CHRM2: variants seen among roughly 807,000 people sequenced by gnomAD.
CHRM2 encodes the protein muscarinic acetylcholine receptor M2.
Under a neutral mutation model 25.0 loss-of-function variants are expected in CHRM2, and 8 were observed. The observed-to-expected ratio is 0.32, with a 90% CI of 0.19 to 0.58. The LOEUF (loss-of-function observed/expected upper bound fraction) is 0.58. CHRM2 is among the 20% of genes least tolerant of loss of function. CHRM2 has a pLI of 0.88. For missense variants in CHRM2, 440 were observed against 567.1 expected, an observed-to-expected ratio of 0.78 and a Z score of 2.28; for synonymous variants, 202 against 205.7, an observed-to-expected ratio of 0.98 and a Z score of 0.15.
chr7:136,879,475 C>T (rs1796176726), intron 2 of CHRM2, among the ~76,000 whole-genome samples: 1 of 151,824 alleles, frequency 6.6e-6, no homozygotes, highest in Non-Finnish European at 1.5e-5. Flanking sequence ...ATTTGCATGC[C>T]CCCATATCTT....
intron 2 of CHRM2, among the ~76,000 whole-genome samples, chr7:136,968,893 C>T (rs1041091752): frequency 1.3e-5 from 2 of 151,750 alleles, no homozygotes; most frequent in African/African-American, 4.8e-5. Context: ...TATCCATGAA[C>T]ATAAATCAGT....
intron 2 of CHRM2, among the ~76,000 whole-genome samples, chr7:136,926,676 G>T (rs1798767973): frequency 6.6e-6 from 1 of 152,204 alleles, no homozygotes; most frequent in South Asian, 2.1e-4. Context: ...TTATATGGAA[G>T]AAATTAGCTA....
intron 2 of CHRM2, among the ~76,000 whole-genome samples, chr7:136,971,381 T>C (rs207468655): frequency 6.6e-6 from 1 of 152,020 alleles, no homozygotes; most frequent in African/African-American, 2.4e-5. Context: ...TTTGGGAGGC[T>C]GAGGCAGGGG....
At chr7:136,935,153 C>T (rs557312407) in intron 2 of CHRM2, among the ~76,000 whole-genome samples, 10 of 152,198 alleles carry the variant, frequency 6.6e-5, no homozygotes, top group African/African-American at 1.9e-4. Flanking sequence ...CAGATTTTTG[C>T]TCTACCATAT....
At chr7:137,006,440 A>G (rs901470894) in intron 3 of CHRM2, among the ~76,000 whole-genome samples, 54 of 152,052 alleles carry the variant, frequency 3.6e-4, no homozygotes, top group African/African-American at 1.3e-3. Flanking sequence ...CTTGGCTGAC[A>G]TGGAGTGGAA....
intron 2 of CHRM2, among the ~76,000 whole-genome samples, chr7:136,987,332 C>T (rs1802924462): frequency 6.6e-6 from 1 of 152,198 alleles, no homozygotes; most frequent in Admixed American, 6.5e-5. Flanking sequence ...AGCTCTATGT[C>T]ACTGGGCTTC....
At chr7:136,992,608 A>G (rs1408336001) in intron 3 of CHRM2, among the ~76,000 whole-genome samples, 3 of 152,114 alleles carry the variant, frequency 2.0e-5, no homozygotes, top group Non-Finnish European at 4.4e-5. Flanking sequence ...AATTTTCAAA[A>G]TCTTCTGCCC....
In CHRM2 at chr7:136,938,520, C is replaced by CTGG. The variant is rs1799554072; in HGVS notation, c.-124-53665_-124-53663dup. 4.1e-6 allele frequency: 4 copies of CTGG among 980,470 alleles called. No individual in the cohort carries two copies. In the African/African-American group the frequency reaches 6.4e-5, roughly 16 times the overall value. 60.7% of individuals were successfully genotyped at this position (980,470 alleles called of 1,614,324 possible). ...CTAGGATAAGGGGGCTCAGCAGGCT[C>CTGG]TGGTTGATTGACCGTGACTGCAGTG... On this transcript the variant is annotated intron_variant, in intron 2 of 3. Transcript: ENST00000680005.
intron 2 of CHRM2, among the ~76,000 whole-genome samples, chr7:136,940,591 T>C (rs1394450147): frequency 6.6e-6 from 1 of 152,174 alleles, no homozygotes. Flanking sequence ...TCAATATTAA[T>C]TCTGAATCAC....
rs1433082959 is a variant in CHRM2, at chr7:137,018,887, C to G, written c.*2621C>G. ...ATTCAAGGATTTTTATTAACCACTGCTGGATTTGTCTATTTCAGTGGCTCT... is the reference window on the plus strand; with the variant it reads ...ATTCAAGGATTTTTATTAACCACTGGTGGATTTGTCTATTTCAGTGGCTCT... On this transcript the variant is annotated 3_prime_UTR_variant, in exon 4 of 4. Transcript: ENST00000680005. The G allele has an allele frequency of 2.0e-5, 3 of 151,938 alleles. No homozygotes were observed. The highest frequency in any genetic ancestry group is 7.2e-5 in the African/African-American group (3 of 41,412). The allele number at this position is 151,938 out of a possible 1,614,324, so 9.4% of individuals were successfully genotyped here.
chr7:136,967,730 A>G (rs1378891758), intron 2 of CHRM2, among the ~76,000 whole-genome samples: 1 of 151,908 alleles, frequency 6.6e-6, no homozygotes. Context: ...TTTTTGCTCT[A>G]GCCCTCTACC....
At chr7:136,961,452 T>C (rs1026492858) in intron 2 of CHRM2, among the ~76,000 whole-genome samples, 1 of 152,226 alleles carries the variant, frequency 6.6e-6, no homozygotes, top group Non-Finnish European at 1.5e-5. Flanking sequence ...AATGTTATAC[T>C]GAGATACTTT....
At chr7:136,981,294 T>G (rs1311979236) in intron 2 of CHRM2, among the ~76,000 whole-genome samples, 1 of 152,204 alleles carries the variant, frequency 6.6e-6, no homozygotes, top group African/African-American at 2.4e-5. Context: ...TAATATCACA[T>G]TTATCATTTT....
chr7:136,936,171 A>G (rs1304879759), intron 2 of CHRM2, among the ~76,000 whole-genome samples: 1 of 152,096 alleles, frequency 6.6e-6, no homozygotes, highest in Non-Finnish European at 1.5e-5. Context: ...TAATTGTCTA[A>G]AGTACCAACA....
At chr7:137,006,911 G>C (rs1402728934) in intron 3 of CHRM2, among the ~76,000 whole-genome samples, 1 of 151,972 alleles carries the variant, frequency 6.6e-6, no homozygotes, top group Non-Finnish European at 1.5e-5. Flanking sequence ...TGAGGACATG[G>C]CTGTCTTTTT....
intron 2 of CHRM2, among the ~76,000 whole-genome samples, chr7:136,876,364 G>A (rs1796053429): frequency 6.6e-6 from 1 of 152,112 alleles, no homozygotes. Context: ...TTTTATAAAT[G>A]ATGGCAATAT....
At chr7:136,904,149 T>G (rs1227374212) in intron 2 of CHRM2, among the ~76,000 whole-genome samples, 1 of 151,938 alleles carries the variant, frequency 6.6e-6, no homozygotes, top group Non-Finnish European at 1.5e-5. Flanking sequence ...ATTTATTTCA[T>G]AATCACTTGA....
intron 2 of CHRM2, among the ~76,000 whole-genome samples, chr7:136,945,486 C>T (rs921223181): frequency 2.6e-5 from 4 of 151,910 alleles, no homozygotes; most frequent in African/African-American, 7.2e-5. Context: ...TTGAATAGGG[C>T]GTCCTTTCCC....
chr7:136,941,706 G>A (rs1417819534), intron 2 of CHRM2, among the ~76,000 whole-genome samples: 1 of 152,206 alleles, frequency 6.6e-6, no homozygotes, highest in Admixed American at 6.5e-5. Context: ...GAGAATATCA[G>A]TGTCACTGAG....
Sources: allele counts gnomAD v4.1 joint callset (sites outside exome capture counted in the v4.1 genomes callset), GRCh38; gene constraint gnomAD v4.1.1; transcripts MANE v1.5; gene names NCBI Gene and HGNC (gene_info 2026-07-23, HGNC 2026-07-21).